Variants in SMARCA2 observed in about 807,000 individuals in gnomAD.
The protein encoded by SMARCA2 is SWI/SNF-related matrix-associated actin-dependent regulator of chromatin subfamily A member 2.
A neutral mutation model predicts 199.8 loss-of-function variants in SMARCA2; 61 were observed. The observed-to-expected ratio is 0.31, with a 90% CI of 0.25 to 0.38. The LOEUF (loss-of-function observed/expected upper bound fraction) is 0.38. SMARCA2 is among the 10% of genes least tolerant of loss of function. The pLI is 1.00. For synonymous variants in SMARCA2, 935 were observed against 732.0 expected, an observed-to-expected ratio of 1.28 and a Z score of -4.48; for missense variants, 1,344 against 2,012.2, an observed-to-expected ratio of 0.67 and a Z score of 6.35.
intron 29 of SMARCA2, among the ~76,000 whole-genome samples, chr9:2,174,003 C>G (rs1826399139): frequency 6.6e-6 from 1 of 152,174 alleles, no homozygotes. Flanking sequence ...AAACAGGCTG[C>G]TTTGACTCTT....
At chr9:2,034,291 C>T (rs1014771346) in intron 3 of SMARCA2, among the ~76,000 whole-genome samples, 1 of 151,578 alleles carries the variant, frequency 6.6e-6, no homozygotes, top group Admixed American at 6.6e-5. Context: ...GGCACATTCC[C>T]AGGTACTGGG....
At chr9:2,120,997 A>G (rs1244463629) in intron 26 of SMARCA2, among the ~76,000 whole-genome samples, 2 of 152,236 alleles carry the variant, frequency 1.3e-5, no homozygotes, top group African/African-American at 2.4e-5. Flanking sequence ...ATTAAAAGGC[A>G]GATTACTGGG....
At chr9:2,133,968 C>A (rs979105134) in intron 27 of SMARCA2, among the ~76,000 whole-genome samples, 1 of 152,174 alleles carries the variant, frequency 6.6e-6, no homozygotes, top group African/African-American at 2.4e-5. Flanking sequence ...CCTCTCATAG[C>A]TTTGCTTTCC....
intron 6 of SMARCA2, among the ~76,000 whole-genome samples, chr9:2,055,845 A>G (rs181217309): frequency 1.2e-4 from 18 of 152,348 alleles, no homozygotes; most frequent in Admixed American, 3.9e-4. Flanking sequence ...AATATTAACC[A>G]AGTATATTTT....
At chr9:2,141,401 T>C (rs1441143505) in intron 27 of SMARCA2, among the ~76,000 whole-genome samples, 2 of 152,196 alleles carry the variant, frequency 1.3e-5, no homozygotes, top group Non-Finnish European at 2.9e-5. Context: ...GAATGTTGAA[T>C]GTAGAGTTTT....
intron 19 of SMARCA2, among the ~76,000 whole-genome samples, chr9:2,094,214 A>G (rs145151206): frequency 3.9e-5 from 6 of 152,306 alleles, no homozygotes; most frequent in East Asian, 3.9e-4. Flanking sequence ...TGTGAAGCTT[A>G]TGTGATTTTT....
chr9:2,070,733 G>GT (rs1362861818), intron 10 of SMARCA2, among the ~76,000 whole-genome samples: 3 of 152,144 alleles, frequency 2.0e-5, no homozygotes, highest in Admixed American at 6.5e-5. Flanking sequence ...ACATATAATC[G>GT]TATGTTTACA....
chr9:2,058,519 A>C, intron 8 of SMARCA2, 55 bp downstream of exon 8: 1 of 1,421,554 alleles, frequency 7.0e-7, no homozygotes, highest in Non-Finnish European at 9.8e-7. Context: ...TCCGTCTGCA[A>C]TGAGACCATT....
At chr9:2,192,553 T>TA in intron 33 of SMARCA2, 151 bp from the exon 34 acceptor site, 1 of 704,216 alleles carries the variant, frequency 1.4e-6, no homozygotes, top group Admixed American at 2.2e-5. Context: ...GATGCCTCTT[T>TA]AATGTGTTTC....
At chr9:2,190,399 T>C (rs1384958284) in intron 32 of SMARCA2, among the ~76,000 whole-genome samples, 1 of 152,190 alleles carries the variant, frequency 6.6e-6, no homozygotes, top group Non-Finnish European at 1.5e-5. Context: ...TAAATTATAG[T>C]ATACCATACG....
intron 15 of SMARCA2, among the ~76,000 whole-genome samples, chr9:2,082,256 A>G (rs1468572032): frequency 6.6e-6 from 1 of 151,744 alleles, no homozygotes; most frequent in Non-Finnish European, 1.5e-5. Flanking sequence ...TGAACACTGC[A>G]TAGTGAGTCT....
At chr9:2,129,516 G>A (rs1234668131) in intron 27 of SMARCA2, among the ~76,000 whole-genome samples, 1 of 152,190 alleles carries the variant, frequency 6.6e-6, no homozygotes. Context: ...GCGTCCATCA[G>A]TCCTCCAGCT....
intron 27 of SMARCA2, among the ~76,000 whole-genome samples, chr9:2,148,788 T>G (rs1218908972): frequency 6.6e-6 from 1 of 151,448 alleles, no homozygotes; most frequent in African/African-American, 2.4e-5. Context: ...AGATTACAAG[T>G]GTGAGCCACG....
Position 2,161,654 on chromosome 9 carries a change from T to C in SMARCA2, c.3982-32T>C. ...TTTTTGTCTTGGTTATTCTCTTGTC[T>C]TGAATTTGTCTCCTTTGTTTCCAAC... On this transcript the variant is annotated intron_variant, in intron 27 of 33. Transcript: ENST00000349721. This position sits in a 1 kb window ranked among gnomAD's most constrained non-coding sequence, Gnocchi z 4.7. The C allele has an allele frequency of 1.3e-6, 2 of 1,489,900 alleles. No individual in the cohort carries two copies. Among genetic ancestry groups the C allele is most frequent in the Non-Finnish European group, 1.9e-6 (2 of 1,072,212 alleles). 92.3% of individuals were successfully genotyped at this position (1,489,900 alleles called of 1,614,324 possible).
At chr9:2,101,694 C>G in intron 22 of SMARCA2, 78 bp downstream of exon 22, 3 of 723,124 alleles carry the variant, frequency 4.1e-6, no homozygotes, top group Non-Finnish European at 2.4e-6. Context: ...ACAGTGTTTC[C>G]TCTTGTGCAA....
chr9:2,191,640 A>T, intron 33 of SMARCA2: 1 of 387,182 alleles, frequency 2.6e-6, no homozygotes. Context: ...AAAAACTACC[A>T]AATCAAGCTT....
chr9:2,030,780 C>T (rs185143263), intron 2 of SMARCA2, among the ~76,000 whole-genome samples: 17 of 152,200 alleles, frequency 1.1e-4, no homozygotes, highest in African/African-American at 4.1e-4. Flanking sequence ...AAGATCCTGG[C>T]TTAAAACAAA....
intron 27 of SMARCA2, chr9:2,158,324 G>C (rs1356190236): frequency 6.5e-6 from 1 of 154,646 alleles, no homozygotes; most frequent in Non-Finnish European, 1.4e-5. Flanking sequence ...GGAGCCAAAC[G>C]GGTGCAGTGT....
At chr9:2,175,913 C>G (rs1826555025) in intron 29 of SMARCA2, among the ~76,000 whole-genome samples, 1 of 152,038 alleles carries the variant, frequency 6.6e-6, no homozygotes, top group South Asian at 2.1e-4. Flanking sequence ...AAGTTTCGCT[C>G]TTGTTGCCCA....
Sources: gnomAD v4.1 joint callset for allele counts (sites outside exome capture counted in the v4.1 genomes callset) on GRCh38, gnomAD v4.1.1 for gene constraint, Gnocchi (gnomAD v3.1) non-coding constraint, MANE v1.5 for transcripts, NCBI Gene and HGNC (gene_info 2026-07-23, HGNC 2026-07-21) for gene names.